RANBP17: variants seen among roughly 807,000 people sequenced by gnomAD.
RANBP17 encodes the protein ran-binding protein 17.
Under a neutral mutation model 141.2 loss-of-function variants are expected in RANBP17, and 158 were observed. The observed-to-expected ratio is 1.12, with a 90% CI of 0.98 to 1.28. The LOEUF is 1.28. Ranked by LOEUF, RANBP17 falls within the 50% of genes most tolerant of loss-of-function variation. The pLI, the probability that RANBP17 is intolerant of heterozygous loss-of-function variation, is 0.00. For missense variants in RANBP17, 1,438 were observed against 1,290.7 expected (o/e 1.11, Z -1.75); for synonymous variants, 430 against 450.0 (o/e 0.96, Z 0.56).
chr5:171,242,609 A>T, intron 23 of RANBP17, 73 bp from the exon 24 acceptor site: 1 of 1,495,540 alleles, frequency 6.7e-7, no homozygotes, highest in Non-Finnish European at 9.1e-7. Context: ...ATTATAAATG[A>T]CAATTTTCAC....
intron 14 of RANBP17, among the ~76,000 whole-genome samples, chr5:171,042,396 C>T (rs1352060464): frequency 3.3e-5 from 5 of 152,016 alleles, no homozygotes; most frequent in Non-Finnish European, 7.4e-5. Context: ...AAGGGATCAC[C>T]ATCTTAGATG....
rs151052655 is a variant in RANBP17, at chr5:171,295,588, C to T, written c.3043-299C>T. 3.0e-3 allele frequency among the ~76,000 whole-genome samples: 461 copies of T among 152,238 alleles called. 9 individuals are homozygous for T. The South Asian group carries it at 0.04, about 13-fold the overall frequency. The stretch of plus-strand genomic sequence containing the variant: ...TTCTGTGGTTAGTAGAGATGAGAGT[C>T]AGGAAAAGCATGCATTCAGTCCCCC... On this transcript the variant is annotated intron_variant, in intron 26 of 27. Transcript: ENST00000523189.
At chr5:171,093,754 T>C (rs1034690077) in intron 14 of RANBP17, among the ~76,000 whole-genome samples, 2 of 152,242 alleles carry the variant, frequency 1.3e-5, no homozygotes, top group African/African-American at 4.8e-5. Context: ...TAATCCTTTA[T>C]CTGCATCAGT....
rs767390498 is a variant in RANBP17, at chr5:171,296,007, A to C, written c.3163A>C (p.Arg1055=). The change falls in exon 27 of 28, where the codon AGA becomes CGA. Residue 1055 remains arginine, a synonymous_variant. Transcript: ENST00000523189. ...GVEQNLSVKN[R]DRFTQNLSVF... is the part of the protein sequence containing the mutation. ...GGAGCAGAACCTGTCCGTCAAGAAC[A>C]GAGACAGGTGAGCATTGCCCAGTAG... 6.2e-7 allele frequency: 1 copy of C among 1,613,394 alleles called. No individual in the cohort carries two copies. Among genetic ancestry groups the C allele is most frequent in the African/African-American group, 1.3e-5 (1 of 75,022 alleles).
At chr5:171,295,083 G>A (rs2128046087) in intron 26 of RANBP17, among the ~76,000 whole-genome samples, 1 of 152,238 alleles carries the variant, frequency 6.6e-6, no homozygotes, top group African/African-American at 2.4e-5. Flanking sequence ...GTTTTTTGAT[G>A]TAAGCTGTTT....
intron 24 of RANBP17, among the ~76,000 whole-genome samples, chr5:171,260,707 C>T (rs1029756827): frequency 1.3e-5 from 2 of 151,922 alleles, no homozygotes; most frequent in African/African-American, 4.8e-5. Context: ...TTCACATGTA[C>T]ACTATAAATT....
intron 14 of RANBP17, among the ~76,000 whole-genome samples, chr5:171,155,514 C>T (rs891454223): frequency 1.3e-5 from 2 of 152,110 alleles, no homozygotes; most frequent in South Asian, 2.1e-4. Context: ...TGATGTTATA[C>T]AATTATGATT....
chr5:171,000,513 A>G (rs1336192274), intron 14 of RANBP17, among the ~76,000 whole-genome samples: 5 of 152,234 alleles, frequency 3.3e-5, no homozygotes, highest in South Asian at 2.1e-4. Flanking sequence ...GGGCCTATCA[A>G]TGCAAAATTG....
chr5:171,166,424 G>A (rs929983965), intron 14 of RANBP17, among the ~76,000 whole-genome samples: 3 of 144,498 alleles, frequency 2.1e-5, no homozygotes, highest in African/African-American at 7.6e-5. Context: ...GACTGAAAGT[G>A]AGTTTTTTTT....
At chr5:171,264,379 C>T (rs1205777908) in intron 24 of RANBP17, among the ~76,000 whole-genome samples, 1 of 151,852 alleles carries the variant, frequency 6.6e-6, no homozygotes, top group Non-Finnish European at 1.5e-5. Context: ...CCACCTATTC[C>T]CCAAAAATTA....
chr5:171,129,820 GT>G (rs1277921102), intron 14 of RANBP17, among the ~76,000 whole-genome samples: 1 of 152,160 alleles, frequency 6.6e-6, no homozygotes, highest in African/African-American at 2.4e-5. Flanking sequence ...GGCTTGTAGA[GT>G]TTCTCTGTTA....
intron 10 of RANBP17, among the ~76,000 whole-genome samples, chr5:170,919,149 G>C (rs1479345628): frequency 6.6e-6 from 1 of 151,794 alleles, no homozygotes. Context: ...ATAATTTTAA[G>C]GGAGAGATTA....
intron 14 of RANBP17, among the ~76,000 whole-genome samples, chr5:171,148,518 A>C (rs1208694335): frequency 6.6e-6 from 1 of 152,174 alleles, no homozygotes; most frequent in African/African-American, 2.4e-5. Context: ...ATGAAACCAC[A>C]TTTGATGCTA....
chr5:170,893,130 A>G lies in RANBP17; in HGVS notation c.423+577A>G, dbSNP rs1476664475. ...GGTATCAAATAGGTACAGCTATTATATATCAATAAAGAATAGTTATTTTAA... is the reference window on the plus strand; with the variant it reads ...GGTATCAAATAGGTACAGCTATTATGTATCAATAAAGAATAGTTATTTTAA... On this transcript the variant is annotated intron_variant, in intron 4 of 27. Transcript: ENST00000523189. Among the ~76,000 whole-genome samples, 3 of 152,138 alleles carry G rather than the reference A, an allele frequency of 2.0e-5. No individual in the cohort carries two copies. In the East Asian group the frequency reaches 5.8e-4, roughly 29 times the overall value.
At chr5:171,242,098 A>C (rs1462638998) in intron 23 of RANBP17, among the ~76,000 whole-genome samples, 1 of 151,780 alleles carries the variant, frequency 6.6e-6, no homozygotes. Context: ...AGCTGGAATT[A>C]CCAGCATGAA....
chr5:171,029,624 T>A (rs1781434866), intron 14 of RANBP17, among the ~76,000 whole-genome samples: 1 of 152,096 alleles, frequency 6.6e-6, no homozygotes, highest in Non-Finnish European at 1.5e-5. Context: ...AAACTTCTGA[T>A]TGTGCCTCAG....
intron 25 of RANBP17, chr5:171,271,125 A>G (rs1457788190): frequency 2.2e-5 from 2 of 91,170 alleles, no homozygotes; most frequent in Non-Finnish European, 3.9e-5. Flanking sequence ...TTTTGCTAAC[A>G]TGGCATTTAA....
At chr5:171,180,880 A>G (rs1760818685) in intron 16 of RANBP17, among the ~76,000 whole-genome samples, 1 of 152,168 alleles carries the variant, frequency 6.6e-6, no homozygotes, top group Non-Finnish European at 1.5e-5. Flanking sequence ...GCTTTCATAA[A>G]TATTCTATTG....
At chr5:170,936,331 A>G (rs1773876846) in intron 12 of RANBP17, among the ~76,000 whole-genome samples, 1 of 152,142 alleles carries the variant, frequency 6.6e-6, no homozygotes, top group Non-Finnish European at 1.5e-5. Context: ...CTCAGTTGGA[A>G]ATGCAGAAAT....
Sources: gnomAD v4.1 joint callset for allele counts (sites outside exome capture counted in the v4.1 genomes callset) on GRCh38, gnomAD v4.1.1 for gene constraint, MANE v1.5 for transcripts, NCBI Gene and HGNC (gene_info 2026-07-23, HGNC 2026-07-21) for gene names.